NCALD: variants seen among roughly 807,000 people sequenced by gnomAD.
NCALD encodes the protein neurocalcin-delta.
NCALD carries 10 observed loss-of-function variants against 18.6 expected under a neutral mutation model. That is an observed-to-expected ratio of 0.54 (90% CI 0.33 to 0.91). The LOEUF is 0.91. Among genes scored for constraint, NCALD ranks in the 40% least tolerant of loss-of-function variants. The pLI is 0.03. For missense variants in NCALD, 184 were observed against 247.6 expected (o/e 0.74, Z 1.72); for synonymous variants, 88 against 87.4 (o/e 1.01, Z -0.04).
chr8:102,073,908 T>G (rs1045489570), intron 1 of NCALD, among the ~76,000 whole-genome samples: 1 of 152,230 alleles, frequency 6.6e-6, no homozygotes, highest in Non-Finnish European at 1.5e-5. Context: ...GTAGCCAGAG[T>G]TGCACTAGAT....
chr8:101,958,529 C>T lies in NCALD; in HGVS notation c.-156-42671G>A, dbSNP rs1586826396. Among the ~76,000 whole-genome samples, 7 of 152,176 alleles carry T rather than the reference C, an allele frequency of 4.6e-5. No homozygotes were observed. The South Asian group carries it at 1.5e-3, about 32-fold the overall frequency. On this transcript the variant is annotated intron_variant, in intron 2 of 6. Coordinates refer to the NCALD transcript ENST00000311028. ...ATTACATAGATGTTTTACCTGCTTA[C>T]GAAATAATAAGAACAATATCTAAGA...
At chr8:101,786,270 G>A (rs1214220910) in intron 1 of NCALD, among the ~76,000 whole-genome samples, 1 of 152,158 alleles carries the variant, frequency 6.6e-6, no homozygotes, top group African/African-American at 2.4e-5. Context: ...GCAAACAAAA[G>A]CCAGGGTCCA....
At chr8:101,847,794 T>A (rs1238999860) in intron 4 of NCALD, among the ~76,000 whole-genome samples, 1 of 152,126 alleles carries the variant, frequency 6.6e-6, no homozygotes, top group African/African-American at 2.4e-5. Context: ...CCAGAACACC[T>A]CCCAGGTGTC....
rs141435872 is a variant in NCALD at position 101,823,944 on chromosome 8, G to A, written c.-20+63197C>T. 2.4e-3 allele frequency among the ~76,000 whole-genome samples: 364 copies of A among 152,246 alleles called. 2 individuals carry two copies. The highest frequency in any genetic ancestry group is 8.4e-3 in the African/African-American group (347 of 41,556). ...ACTAGCTTATTTATTGACCTACATG[G>A]GGACAGTTAGCCCTGTACATTTAAA... On this transcript the variant is annotated intron_variant, in intron 4 of 6. Transcript: ENST00000311028.
exon 3 of NCALD, chr8:101,915,848 G>A (rs1437652472): frequency 6.6e-6 from 1 of 152,164 alleles, no homozygotes; most frequent in Non-Finnish European, 1.5e-5. Flanking sequence ...GGAGACCAAA[G>A]TTGAGATAAT....
At chr8:101,996,778 A>G (rs2132007033) in intron 2 of NCALD, among the ~76,000 whole-genome samples, 1 of 152,354 alleles carries the variant, frequency 6.6e-6, no homozygotes, top group South Asian at 2.1e-4. Flanking sequence ...AGAGTTAAAG[A>G]TGCATCAATG....
At chr8:102,093,478 A>G (rs958275780) in intron 1 of NCALD, among the ~76,000 whole-genome samples, 4 of 152,186 alleles carry the variant, frequency 2.6e-5, no homozygotes, top group African/African-American at 7.2e-5. Context: ...CTTAAAGGTA[A>G]GTAAGGTTGG....
At chr8:101,862,361 T>C (rs891397499) in intron 4 of NCALD, among the ~76,000 whole-genome samples, 3 of 152,212 alleles carry the variant, frequency 2.0e-5, no homozygotes, top group African/African-American at 7.2e-5. Flanking sequence ...TCAACCAAGT[T>C]TGAGGCCACA....
intron 4 of NCALD, among the ~76,000 whole-genome samples, chr8:101,800,825 G>GGA (rs1812810339): frequency 7.1e-6 from 1 of 140,004 alleles, no homozygotes; most frequent in Non-Finnish European, 1.5e-5. Context: ...CTATGGTTGT[G>GGA]GAGGAGAGGA....
intron 1 of NCALD, among the ~76,000 whole-genome samples, chr8:102,065,274 G>A (rs1408133344): frequency 2.0e-5 from 3 of 148,004 alleles, no homozygotes; most frequent in Admixed American, 1.3e-4. Context: ...TTTCATATCT[G>A]CCCATATATT....
rs1244398434 is a variant in NCALD, at chr8:101,688,719, T to C, written c.*590A>G. 2.0e-6 allele frequency: 1 copy of C among 495,618 alleles called. No individual in the cohort carries two copies. The allele number at this position is 495,618 out of a possible 1,614,324, so 30.7% of individuals were successfully genotyped here. ...AAATAGCTGAGCCATCTTTTTCCTCTCCTCTGTTAATTTATCTTGAAATGT... is the reference window on the plus strand; with the variant it reads ...AAATAGCTGAGCCATCTTTTTCCTCCCCTCTGTTAATTTATCTTGAAATGT... On this transcript the variant is annotated 3_prime_UTR_variant, in exon 4 of 4. Coordinates refer to ENST00000220931, the MANE Select transcript of NCALD (RefSeq NM_032041.3).
chr8:102,072,341 T>C (rs143694583), intron 1 of NCALD, among the ~76,000 whole-genome samples: 118 of 152,220 alleles, frequency 7.8e-4, no homozygotes, highest in African/African-American at 2.4e-3. Context: ...GAATCACATT[T>C]AAAACGACCC....
chr8:101,691,521 G>C, intron 3 of NCALD: 2 of 985,330 alleles, frequency 2.0e-6, no homozygotes, highest in South Asian at 9.4e-5. Flanking sequence ...TCTGGACCTA[G>C]AGCACAGCAC....
At chr8:101,768,419 G>A (rs976056357) in intron 1 of NCALD, among the ~76,000 whole-genome samples, 32 of 152,166 alleles carry the variant, frequency 2.1e-4, no homozygotes, top group Middle Eastern at 6.8e-3. Context: ...AGTCAGAAAG[G>A]GTAAATTAGC....
intron 4 of NCALD, among the ~76,000 whole-genome samples, chr8:101,812,699 C>T (rs532837037): frequency 6.6e-6 from 1 of 152,140 alleles, no homozygotes; most frequent in Non-Finnish European, 1.5e-5. Flanking sequence ...AACAATGGAA[C>T]CTTCTAAAAG....
At chr8:101,810,181 A>G (rs1008592341) in intron 4 of NCALD, among the ~76,000 whole-genome samples, 1 of 152,188 alleles carries the variant, frequency 6.6e-6, no homozygotes, top group Non-Finnish European at 1.5e-5. Flanking sequence ...TAAACTTTGA[A>G]GTCAGGCACA....
At chr8:101,943,669 C>T (rs1363355549) in intron 2 of NCALD, among the ~76,000 whole-genome samples, 3 of 150,590 alleles carry the variant, frequency 2.0e-5, no homozygotes, top group East Asian at 2.0e-4. Context: ...GGCTGGGCGC[C>T]GTAGCTCACG....
At chr8:101,876,949 G>T (rs1269314054) in intron 4 of NCALD, among the ~76,000 whole-genome samples, 1 of 152,140 alleles carries the variant, frequency 6.6e-6, no homozygotes, top group Non-Finnish European at 1.5e-5. Context: ...TTTCTCCCCT[G>T]GCTAGGATAT....
intron 4 of NCALD, among the ~76,000 whole-genome samples, chr8:101,827,768 T>A (rs2131225363): frequency 6.6e-6 from 1 of 152,264 alleles, no homozygotes. Flanking sequence ...AAGAATATAC[T>A]CCCCCAATCA....
Sources: gnomAD v4.1 joint callset for allele counts (sites outside exome capture counted in the v4.1 genomes callset) on GRCh38, gnomAD v4.1.1 for gene constraint, MANE v1.5 for transcripts, NCBI Gene and HGNC (gene_info 2026-07-23, HGNC 2026-07-21) for gene names.